Variants in PMM2 observed in about 807,000 individuals in gnomAD.
PMM2 encodes phosphomannomutase 2.
A neutral mutation model predicts 33.2 loss-of-function variants in PMM2; 35 were observed. The ratio of observed to expected loss-of-function variants is 1.06; its 90% CI spans 0.81 to 1.40. The LOEUF is 1.40. Among genes scored for constraint, PMM2 ranks in the 40% most tolerant of loss-of-function variants. The pLI is 0.00. For synonymous variants in PMM2, 153 were observed against 114.7 expected (o/e 1.33, Z -2.13); for missense variants, 386 against 306.0 (o/e 1.26, Z -1.95).
At chr16:8,824,653 G>T (rs559955590) in intron 7 of PMM2, among the ~76,000 whole-genome samples, 2 of 151,816 alleles carry the variant, frequency 1.3e-5, no homozygotes, top group South Asian at 4.1e-4. Context: ...TTGGACTTTA[G>T]GGGACTTTTT....
intron 7 of PMM2, among the ~76,000 whole-genome samples, chr16:8,845,560 A>C (rs368007754): frequency 2.2e-3 from 334 of 151,586 alleles, no homozygotes; most frequent in African/African-American, 7.7e-3. Context: ...GGCATGTGAG[A>C]GTTGGTTGTG....
In PMM2 at chr16:8,800,178, G is replaced by C. The variant is rs2060604935; in HGVS notation, c.67-1621G>C. ...GTTCGAGACCAGCCTTGCCAACATG[G>C]TGAAACCCAGTCTCTACTAAAAATA... On this transcript the variant is annotated intron_variant, in intron 1 of 7. Coordinates refer to ENST00000268261, the MANE Select transcript of PMM2 (RefSeq NM_000303.3). Among the ~76,000 whole-genome samples the C allele has an allele frequency of 2.0e-5, 3 of 151,978 alleles. No individual in the cohort carries two copies. The South Asian group carries it at 6.2e-4, about 32-fold the overall frequency.
At chr16:8,836,265 A>C (rs1014588391) in intron 7 of PMM2, among the ~76,000 whole-genome samples, 2 of 151,834 alleles carry the variant, frequency 1.3e-5, no homozygotes, top group African/African-American at 4.8e-5. Flanking sequence ...TTCCGAGGGG[A>C]TTGGGCAGTG....
At chr16:8,821,539 G>A (rs1187918950) in intron 7 of PMM2, among the ~76,000 whole-genome samples, 4 of 152,192 alleles carry the variant, frequency 2.6e-5, no homozygotes, top group African/African-American at 7.2e-5. Flanking sequence ...GCCTTCCAGG[G>A]AGCCCCTTGA....
At chr16:8,835,105 G>A (rs1281467948) in intron 7 of PMM2, among the ~76,000 whole-genome samples, 15 of 148,218 alleles carry the variant, frequency 1.0e-4, no homozygotes, top group Admixed American at 6.7e-4. Context: ...TTAAAGCAGC[G>A]GCAGCCGCTG....
At chr16:8,836,191 G>T (rs1417489746) in intron 7 of PMM2, among the ~76,000 whole-genome samples, 1 of 151,914 alleles carries the variant, frequency 6.6e-6, no homozygotes, top group Non-Finnish European at 1.5e-5. Flanking sequence ...ATTAAGAAGG[G>T]GATGGACTTA....
intron 7 of PMM2, among the ~76,000 whole-genome samples, chr16:8,820,001 T>C (rs2060728890): frequency 6.6e-6 from 1 of 152,198 alleles, no homozygotes; most frequent in Non-Finnish European, 1.5e-5. Context: ...TCTCCAGAAA[T>C]GTTAATAAGG....
At chr16:8,843,532 T>C (rs905143335) in intron 7 of PMM2, among the ~76,000 whole-genome samples, 13 of 152,194 alleles carry the variant, frequency 8.5e-5, no homozygotes, top group South Asian at 2.1e-4. Flanking sequence ...GTCAGATTTC[T>C]GGCACGTGTA....
chr16:8,821,977 T>A (rs2141030223), intron 7 of PMM2, among the ~76,000 whole-genome samples: 1 of 152,332 alleles, frequency 6.6e-6, no homozygotes, highest in Middle Eastern at 3.4e-3. Flanking sequence ...CCTTGCCCAC[T>A]GCCTAGACAA....
At chr16:8,811,734 G>A in intron 6 of PMM2, 21 bp downstream of exon 6, 6 of 1,544,206 alleles carry the variant, frequency 3.9e-6, no homozygotes, top group Non-Finnish European at 5.4e-6. Context: ...TATTGCCTGT[G>A]TTCCAAACTT....
chr16:8,835,449 C>G (rs759515631), intron 7 of PMM2, among the ~76,000 whole-genome samples: 1 of 151,906 alleles, frequency 6.6e-6, no homozygotes, highest in African/African-American at 2.4e-5. Flanking sequence ...TCAGGGTCAT[C>G]TAACTGAAAG....
chr16:8,812,618 C>T (rs752974059), intron 6 of PMM2, among the ~76,000 whole-genome samples: 15 of 152,290 alleles, frequency 9.8e-5, no homozygotes, highest in South Asian at 2.1e-4. Flanking sequence ...AACCTGCTTC[C>T]GGGCATTTCC....
intron 7 of PMM2, among the ~76,000 whole-genome samples, chr16:8,815,803 A>T (rs1461735082): frequency 1.3e-5 from 2 of 152,242 alleles, no homozygotes; most frequent in African/African-American, 4.8e-5. Context: ...AAAACAAACA[A>T]GTTGGACAAC....
At chr16:8,827,676 A>G (rs1379209812) in intron 7 of PMM2, among the ~76,000 whole-genome samples, 5 of 137,252 alleles carry the variant, frequency 3.6e-5, no homozygotes, top group African/African-American at 1.4e-4. Context: ...GATTACAGGC[A>G]TGAGCCACTG....
intron 3 of PMM2, 67 bp from the exon 4 acceptor site, chr16:8,806,249 T>A: frequency 3.0e-6 from 3 of 1,014,972 alleles, no homozygotes; most frequent in Non-Finnish European, 4.7e-6. Context: ...AGACCCTGGG[T>A]TTGCTATGAA....
intron 7 of PMM2, among the ~76,000 whole-genome samples, chr16:8,815,624 A>G (rs1190296616): frequency 6.6e-6 from 1 of 152,268 alleles, no homozygotes; most frequent in South Asian, 2.1e-4. Flanking sequence ...TTCAGTGAAC[A>G]CGGGGGTACA....
intron 7 of PMM2, among the ~76,000 whole-genome samples, chr16:8,830,626 G>A (rs1197335987): frequency 1.3e-5 from 2 of 152,162 alleles, no homozygotes; most frequent in Non-Finnish European, 2.9e-5. Flanking sequence ...TTGGAAGGCA[G>A]GGTCTGCAAA....
chr16:8,833,899 T>G (rs990211863), intron 7 of PMM2, among the ~76,000 whole-genome samples: 41 of 152,050 alleles, frequency 2.7e-4, no homozygotes, highest in African/African-American at 9.7e-4. Flanking sequence ...AGTTTGGGGA[T>G]AGCACCAGGA....
At chr16:8,810,775 C>T (rs1156969279) in intron 4 of PMM2, 1 of 405,130 alleles carries the variant, frequency 2.5e-6, no homozygotes, top group Non-Finnish European at 4.6e-6. Flanking sequence ...CAGAGTTTCG[C>T]CATGTTGTCC....
Sources: allele counts gnomAD v4.1 joint callset (sites outside exome capture counted in the v4.1 genomes callset), GRCh38; gene constraint gnomAD v4.1.1; transcripts MANE v1.5; gene names NCBI Gene and HGNC (gene_info 2026-07-23, HGNC 2026-07-21).